The following GSPT1 variants were observed in gnomAD, a reference collection of about 807,000 sequenced individuals.
The protein encoded by GSPT1 is eukaryotic peptide chain release factor GTP-binding subunit ERF3A.
In GSPT1, 20 loss-of-function variants were observed where a neutral mutation model predicts 72.5. That is an observed-to-expected ratio of 0.28 (90% CI 0.19 to 0.40). The LOEUF (loss-of-function observed/expected upper bound fraction) is 0.40, where lower values mean the gene tolerates loss of function less well. Among genes scored for constraint, GSPT1 ranks in the 10% least tolerant of loss-of-function variants. The pLI, the probability that GSPT1 is intolerant of heterozygous loss-of-function variation, is 1.00. For missense variants in GSPT1, 580 were observed against 811.9 expected, an observed-to-expected ratio of 0.71 and a Z score of 3.47; for synonymous variants, 334 against 293.5, an observed-to-expected ratio of 1.14 and a Z score of -1.41.
intron 5 of GSPT1, among the ~76,000 whole-genome samples, chr16:11,892,885 A>G (rs1265770039): frequency 6.7e-6 from 1 of 148,346 alleles, no homozygotes; most frequent in Non-Finnish European, 1.5e-5. Context: ...ATAACCTTAT[A>G]GTGGACAATC....
chr16:11,900,128 G>A (rs2054387486), intron 1 of GSPT1, among the ~76,000 whole-genome samples: 2 of 152,022 alleles, frequency 1.3e-5, no homozygotes, highest in South Asian at 4.1e-4. Flanking sequence ...GAGTTCGGGA[G>A]TTCAAGACCA....
intron 1 of GSPT1, among the ~76,000 whole-genome samples, chr16:11,906,744 C>T (rs762718571): frequency 3.3e-5 from 5 of 152,152 alleles, no homozygotes; most frequent in Non-Finnish European, 7.4e-5. Flanking sequence ...TCATTTAACT[C>T]AGAAAGAAAA....
At chr16:11,879,031 G>A (rs1304377146) in intron 11 of GSPT1, among the ~76,000 whole-genome samples, 4 of 150,346 alleles carry the variant, frequency 2.7e-5, no homozygotes, top group Non-Finnish European at 5.9e-5. Context: ...AGCCGAGATC[G>A]TGCCACTATA....
At chr16:11,909,867 G>C (rs922993508) in intron 1 of GSPT1, among the ~76,000 whole-genome samples, 7 of 152,138 alleles carry the variant, frequency 4.6e-5, no homozygotes, top group African/African-American at 1.7e-4. Context: ...CAGAGGTTAC[G>C]GTGAGCCGAG....
intron 1 of GSPT1, among the ~76,000 whole-genome samples, chr16:11,904,491 T>C (rs1017847141): frequency 2.0e-5 from 3 of 152,154 alleles, no homozygotes; most frequent in African/African-American, 4.8e-5. Context: ...CGTGAGCCAC[T>C]GCGCCCAGCC....
chr16:11,875,136 C>T (rs985353802), intron 14 of GSPT1, among the ~76,000 whole-genome samples: 7 of 151,804 alleles, frequency 4.6e-5, no homozygotes, highest in Non-Finnish European at 1.0e-4. Flanking sequence ...TTGCAGTGAG[C>T]CAAGATGGTG....
Position 11,871,699 on chromosome 16 carries a change from T to C in GSPT1, c.*1420A>G, listed in dbSNP as rs2053981665. The C allele has an allele frequency of 6.6e-6, 1 of 152,204 alleles. No individual in the cohort carries two copies. Among genetic ancestry groups the C allele is most frequent in the South Asian group, 2.1e-4 (1 of 4,832 alleles). 9.4% of individuals were successfully genotyped at this position (152,204 alleles called of 1,614,324 possible). A position where few individuals can be genotyped will look rare whatever the true frequency, so the allele number is the denominator to read the frequency against. On this transcript the variant is annotated 3_prime_UTR_variant, in exon 15 of 15. Transcript: ENST00000434724. The stretch of plus-strand genomic sequence containing the variant: ...GTCATTAAATATACAAAGTATCTTA[T>C]TTAGAGAGAAATCACAATCTAAAAG...
chr16:11,880,492 CA>C (rs1171659831), intron 11 of GSPT1, among the ~76,000 whole-genome samples: 3 of 151,780 alleles, frequency 2.0e-5, no homozygotes, highest in Admixed American at 2.0e-4. Context: ...CTCTGCTTTC[CA>C]AAAAAAAGTT....
rs141725935 is a variant in GSPT1, at chr16:11,889,667, C to T, written c.776+1395G>A. ...GGATTAGAGCATGCGCCACCATGCC[C>T]AGCTAATTTTGTATTTTTAGTAGAG... is the stretch of plus-strand genomic sequence containing the variant. On this transcript the variant is annotated intron_variant, in intron 6 of 14. Transcript: ENST00000434724. 7.7e-3 allele frequency among the ~76,000 whole-genome samples: 1,169 copies of T among 151,982 alleles called. 31 individuals carry two copies. Among genetic ancestry groups the T allele is most frequent in the East Asian group, 0.046 (236 of 5,106 alleles).
intron 10 of GSPT1, 151 bp downstream of exon 10, chr16:11,885,030 T>C: frequency 1.9e-6 from 1 of 514,264 alleles, no homozygotes; most frequent in Non-Finnish European, 3.5e-6. Flanking sequence ...ATCGCGCCAC[T>C]GCACTCCAGC....
At chr16:11,894,885 A>C (rs576698385) in intron 5 of GSPT1, 69 bp downstream of exon 5, 7 of 949,894 alleles carry the variant, frequency 7.4e-6, no homozygotes, top group Non-Finnish European at 1.2e-5. Flanking sequence ...TGACTGTATG[A>C]AGGTTTACAA....
chr16:11,891,128 C>G lies in GSPT1; in HGVS notation c.710G>C (p.Gly237Ala). 2 of 1,472,146 alleles carry G rather than the reference C, an allele frequency of 1.4e-6. No individual in the cohort carries two copies. The highest frequency in any genetic ancestry group is 1.3e-5 in the South Asian group (1 of 78,670). 91.2% of individuals were successfully genotyped at this position (1,472,146 alleles called of 1,614,324 possible). ...TIGGQIMYLT[G>A]MVDKRTLEKY... ...TTCAAGCGTCCTTTTGTCAACCATT[C>G]CAGTCAAATACCTGAAAACATTTAA... is the stretch of plus-strand genomic sequence containing the variant. The change falls in exon 6 of 15, where the codon GGA becomes GCA. Residue 237 changes from glycine (G) to alanine (A), a missense_variant. Transcript: ENST00000434724.
chr16:11,879,754 A>C (rs1473623209), intron 11 of GSPT1, among the ~76,000 whole-genome samples: 2 of 151,798 alleles, frequency 1.3e-5, no homozygotes, highest in South Asian at 2.1e-4. Flanking sequence ...AAAAAAAAAA[A>C]ACAAAACAAA....
At chr16:11,882,993 A>G (rs760336506) in intron 11 of GSPT1, 22 bp downstream of exon 11, 3 of 1,468,408 alleles carry the variant, frequency 2.0e-6, no homozygotes, top group Non-Finnish European at 2.9e-6. Flanking sequence ...AATAGATAGG[A>G]AACAGCATAA....
chr16:11,904,622 C>CA (rs1217063552), intron 1 of GSPT1, among the ~76,000 whole-genome samples: 2 of 151,714 alleles, frequency 1.3e-5, no homozygotes, highest in Non-Finnish European at 2.9e-5. Context: ...AGCATATCCT[C>CA]ACAGCATACG....
At chr16:11,878,385 C>T (rs1228463542) in intron 11 of GSPT1, among the ~76,000 whole-genome samples, 1 of 151,910 alleles carries the variant, frequency 6.6e-6, no homozygotes, top group East Asian at 1.9e-4. Context: ...CCAAAGTGCT[C>T]AGATTACAGG....
chr16:11,901,601 C>A (rs1461124946), intron 1 of GSPT1, among the ~76,000 whole-genome samples: 1 of 145,384 alleles, frequency 6.9e-6, no homozygotes, highest in African/African-American at 2.7e-5. Context: ...CATGGTGAAA[C>A]CCCATCTCCA....
intron 5 of GSPT1, among the ~76,000 whole-genome samples, chr16:11,891,823 T>C (rs1468419814): frequency 6.6e-6 from 1 of 151,440 alleles, no homozygotes; most frequent in African/African-American, 2.4e-5. Context: ...CCACCATGCC[T>C]GGCTAAGTTT....
rs1178015800 is a variant in GSPT1, at chr16:11,871,847, G to C, written c.*1272C>G. 1 of 152,104 alleles carries C rather than the reference G, an allele frequency of 6.6e-6. No homozygotes were observed. The highest frequency in any genetic ancestry group is 6.5e-5 in the Admixed American group (1 of 15,268). The allele number at this position is 152,104 out of a possible 1,614,324, so 9.4% of individuals were successfully genotyped here. Reference sequence around the variant, plus strand: ...AAAGTCATGATAATTATAGCAGAGAGTCATTCAATCTAAAACCCACACAAT... The same window carrying C: ...AAAGTCATGATAATTATAGCAGAGACTCATTCAATCTAAAACCCACACAAT... On this transcript the variant is annotated 3_prime_UTR_variant, in exon 15 of 15. Coordinates refer to ENST00000434724, the MANE Select transcript of GSPT1 (RefSeq NM_002094.4).
Sources: allele counts gnomAD v4.1 joint callset (sites outside exome capture counted in the v4.1 genomes callset), GRCh38; gene constraint gnomAD v4.1.1; transcripts MANE v1.5; gene names NCBI Gene and HGNC (gene_info 2026-07-23, HGNC 2026-07-21).